Variants in GABRG3 observed in about 807,000 individuals in gnomAD.
GABRG3 encodes gamma-aminobutyric acid receptor subunit gamma-3.
Under a neutral mutation model 48.8 loss-of-function variants are expected in GABRG3, and 25 were observed. That is an observed-to-expected ratio of 0.51 (90% CI 0.37 to 0.72). GABRG3 has a LOEUF of 0.72. Among genes scored for constraint, GABRG3 ranks in the 30% least tolerant of loss-of-function variants. The pLI is 0.00. For missense variants in GABRG3, 394 were observed against 577.9 expected (o/e 0.68, Z 3.26); for synonymous variants, 227 against 217.6 (o/e 1.04, Z -0.38).
chr15:27,287,989 G>A (rs1173575924), intron 3 of GABRG3, among the ~76,000 whole-genome samples: 5 of 151,932 alleles, frequency 3.3e-5, no homozygotes, highest in Admixed American at 6.6e-5. Flanking sequence ...TGCCTGCCTC[G>A]GCCTCCCAAA....
intron 3 of GABRG3, among the ~76,000 whole-genome samples, chr15:27,215,500 T>C (rs1889218820): frequency 6.6e-6 from 1 of 152,216 alleles, no homozygotes; most frequent in Admixed American, 6.5e-5. Context: ...TCTGACCCAA[T>C]TTAGGCTCTA....
At chr15:27,465,102 C>A (rs1889564801) in intron 5 of GABRG3, among the ~76,000 whole-genome samples, 1 of 152,222 alleles carries the variant, frequency 6.6e-6, no homozygotes, top group Non-Finnish European at 1.5e-5. Flanking sequence ...TTTCCCCAGC[C>A]TGCACGGATC....
chr15:27,001,578 C>A (rs112679648), intron 2 of GABRG3, among the ~76,000 whole-genome samples: 1 of 152,312 alleles, frequency 6.6e-6, no homozygotes, highest in Admixed American at 6.5e-5. Context: ...AGCAGGAGGA[C>A]TTACTTGCTT....
chr15:27,527,661 G>A, intron 8 of GABRG3, 32 bp downstream of exon 8: 1 of 1,563,556 alleles, frequency 6.4e-7, no homozygotes. Flanking sequence ...TCTCCGGGAG[G>A]TAATGGGGGC....
intron 3 of GABRG3, among the ~76,000 whole-genome samples, chr15:27,256,727 G>C (rs1000565118): frequency 6.6e-6 from 1 of 152,116 alleles, no homozygotes; most frequent in African/African-American, 2.4e-5. Flanking sequence ...TGTTACCTCA[G>C]TGCTCTAAGA....
chr15:27,018,155 A>G (rs1323845655), intron 2 of GABRG3, among the ~76,000 whole-genome samples: 3 of 152,220 alleles, frequency 2.0e-5, no homozygotes, highest in Non-Finnish European at 2.9e-5. Context: ...ATAGATGGAG[A>G]AAATGAGCCC....
intron 3 of GABRG3, among the ~76,000 whole-genome samples, chr15:27,190,880 C>T (rs146831412): frequency 2.3e-3 from 357 of 152,112 alleles, no homozygotes; most frequent in African/African-American, 8.3e-3. Flanking sequence ...GTAAATTTCC[C>T]TCTACACACT....
intron 2 of GABRG3, among the ~76,000 whole-genome samples, chr15:27,002,154 T>C (rs890467693): frequency 3.2e-4 from 48 of 152,214 alleles, no homozygotes; most frequent in African/African-American, 1.1e-3. Flanking sequence ...CTAAACTATT[T>C]AAAACTTTCC....
chr15:26,993,180 T>G (rs1480261296), intron 2 of GABRG3, among the ~76,000 whole-genome samples: 1 of 152,030 alleles, frequency 6.6e-6, no homozygotes, highest in Non-Finnish European at 1.5e-5. Context: ...ATTGATCTTT[T>G]GCATTATTTT....
chr15:27,480,152 A>G (rs563356785), intron 5 of GABRG3, among the ~76,000 whole-genome samples: 35 of 152,376 alleles, frequency 2.3e-4, no homozygotes, highest in African/African-American at 8.4e-4. Context: ...TTCACCTATC[A>G]AAGCTGAAGA....
intron 3 of GABRG3, among the ~76,000 whole-genome samples, chr15:27,233,559 C>G (rs1196059782): frequency 6.6e-6 from 1 of 152,148 alleles, no homozygotes; most frequent in Non-Finnish European, 1.5e-5. Context: ...CTCTTCCTCT[C>G]TTCATGAGGC....
In GABRG3 at chr15:27,369,764, A is replaced by G. The variant is rs375189952; in HGVS notation, c.574+40876A>G. ...GGAGGTTGCAGTGAGCTGAGATTGCACCACTGCACTCCAGCCTGGGCGACA... is the reference window on the plus strand; with the variant it reads ...GGAGGTTGCAGTGAGCTGAGATTGCGCCACTGCACTCCAGCCTGGGCGACA... On this transcript the variant is annotated intron_variant, in intron 5 of 9. Transcript: ENST00000615808. Among the ~76,000 whole-genome samples the G allele has an allele frequency of 3.4e-3, 459 of 135,470 alleles. 1 individual carries two copies. Among genetic ancestry groups the G allele is most frequent in the African/African-American group, 0.011 (421 of 36,720 alleles). 88.9% of individuals were successfully genotyped at this position (135,470 alleles called of 152,430 possible).
At chr15:27,066,207 C>G (rs766601160) in intron 3 of GABRG3, among the ~76,000 whole-genome samples, 5 of 152,208 alleles carry the variant, frequency 3.3e-5, no homozygotes, top group Non-Finnish European at 7.3e-5. Context: ...ATAGTACTTA[C>G]TATGATATAG....
chr15:27,507,827 A>G (rs1890798059), intron 6 of GABRG3, among the ~76,000 whole-genome samples: 1 of 152,174 alleles, frequency 6.6e-6, no homozygotes, highest in South Asian at 2.1e-4. Context: ...TTTGCATCAT[A>G]TATTTTGAAT....
intron 5 of GABRG3, among the ~76,000 whole-genome samples, chr15:27,459,304 A>T (rs1889380861): frequency 6.6e-6 from 1 of 152,216 alleles, no homozygotes; most frequent in Non-Finnish European, 1.5e-5. Flanking sequence ...CACCGCATGC[A>T]TGGACAGCTG....
intron 7 of GABRG3, among the ~76,000 whole-genome samples, chr15:27,525,611 G>T (rs1329722363): frequency 6.6e-6 from 1 of 152,144 alleles, no homozygotes; most frequent in Non-Finnish European, 1.5e-5. Context: ...GATGGACAAG[G>T]TCTATGGAAA....
intron 3 of GABRG3, among the ~76,000 whole-genome samples, chr15:27,239,674 T>C (rs980006231): frequency 6.6e-6 from 1 of 152,210 alleles, no homozygotes; most frequent in African/African-American, 2.4e-5. Flanking sequence ...TTGATAAAAA[T>C]TTTTCCCAAG....
rs539901731 is a variant in GABRG3, at chr15:27,168,939, C to T, written c.270+142118C>T. 3.5e-4 allele frequency among the ~76,000 whole-genome samples: 54 copies of T among 152,332 alleles called. 1 individual carries two copies. The highest frequency in any genetic ancestry group is 1.3e-3 in the African/African-American group (53 of 41,576). ...TTAAGCCCAGGCCTGAGGAGAGAGC[C>T]GTGCAGCCATGACCTAATGTGTTTG... On this transcript the variant is annotated intron_variant, in intron 3 of 9. Coordinates refer to ENST00000615808, the MANE Select transcript of GABRG3 (RefSeq NM_033223.5).
chr15:27,010,452 T>G (rs1400929163), intron 2 of GABRG3, among the ~76,000 whole-genome samples: 1 of 152,204 alleles, frequency 6.6e-6, no homozygotes, highest in African/African-American at 2.4e-5. Flanking sequence ...ATAGCTTCAC[T>G]GTGGTCAAAA....
Sources: allele counts gnomAD v4.1 joint callset (sites outside exome capture counted in the v4.1 genomes callset), GRCh38; gene constraint gnomAD v4.1.1; transcripts MANE v1.5; gene names NCBI Gene and HGNC (gene_info 2026-07-23, HGNC 2026-07-21).